Variants in TRMT1L observed in about 807,000 individuals in gnomAD.
TRMT1L encodes tRNA (guanine(27)-N(2))-dimethyltransferase.
A neutral mutation model predicts 81.6 loss-of-function variants in TRMT1L; 28 were observed. The observed-to-expected ratio is 0.34, with a 90% confidence interval of 0.25 to 0.47. The LOEUF (loss-of-function observed/expected upper bound fraction) is 0.47, where lower values mean the gene tolerates loss of function less well. Ranked by LOEUF, TRMT1L falls within the 20% of genes least tolerant of loss-of-function variation. The probability of loss-of-function intolerance (pLI) is 1.00; values close to 1 mark genes in which losing one functional copy is unlikely to be tolerated. For synonymous variants in TRMT1L, 301 were observed against 303.2 expected (o/e 0.99, Z 0.07); for missense variants, 739 against 877.1 (o/e 0.84, Z 1.99).
In TRMT1L at chr1:185,150,390, A is replaced by T; in HGVS notation, c.449T>A (p.Val150Asp). The T allele has an allele frequency of 6.2e-7, 1 of 1,611,792 alleles. No individual in the cohort carries two copies. The highest frequency in any genetic ancestry group is 8.5e-7 in the Non-Finnish European group (1 of 1,178,596). Residue 150 changes from valine to aspartate, a missense_variant, in exon 3 of 15, where the codon GTT becomes GAT. Coordinates refer to ENST00000367506, the MANE Select transcript of TRMT1L (RefSeq NM_030934.5). Reference sequence around the variant, plus strand: ...ACAAAAATACTAACCTTCAAATTCAACTGAGACTTTCCAGTGTAAATTCTG... The same window carrying T: ...ACAAAAATACTAACCTTCAAATTCATCTGAGACTTTCCAGTGTAAATTCTG... ...HLQNLHWKVS[V>D]EFEGYRMCIC...
At chr1:185,145,636 T>C (rs1653168445) in intron 4 of TRMT1L, 68 bp from the exon 5 acceptor site, 1 of 1,479,814 alleles carries the variant, frequency 6.8e-7, no homozygotes, top group South Asian at 1.2e-5. Context: ...TGTTTGCAAA[T>C]TTAAGTACAT....
intron 7 of TRMT1L, among the ~76,000 whole-genome samples, chr1:185,141,514 G>C (rs1653044681): frequency 6.6e-6 from 1 of 152,142 alleles, no homozygotes; most frequent in Admixed American, 6.5e-5. Flanking sequence ...GACCAGCTTG[G>C]CCAACATGGC....
rs1177478552 is a variant in TRMT1L at position 185,118,728 on chromosome 1, T to C, written c.*1291A>G. Reference sequence around the variant, plus strand: ...AAACTCTCTTGGGAATACGCTGTACTAGCACGAAGAGATTTTCCTTCATTT... The same window carrying C: ...AAACTCTCTTGGGAATACGCTGTACCAGCACGAAGAGATTTTCCTTCATTT... On this transcript the variant is annotated 3_prime_UTR_variant, in exon 15 of 15. Coordinates refer to ENST00000367506, the MANE Select transcript of TRMT1L (RefSeq NM_030934.5). 1 of 152,154 alleles carries C rather than the reference T, an allele frequency of 6.6e-6. No individual in the cohort carries two copies. The highest frequency in any genetic ancestry group is 1.5e-5 in the Non-Finnish European group (1 of 68,000). The allele number at this position is 152,154 out of a possible 1,614,324, so 9.4% of individuals were successfully genotyped here.
chr1:185,143,211 C>T (rs541750100), intron 7 of TRMT1L, 146 bp downstream of exon 7: 86 of 586,758 alleles, frequency 1.5e-4, no homozygotes, highest in African/African-American at 1.4e-3. Flanking sequence ...CTCTAATATA[C>T]ATTTAAAATT....
intron 3 of TRMT1L, 77 bp downstream of exon 3, chr1:185,150,302 A>G: frequency 4.2e-6 from 4 of 961,330 alleles, no homozygotes; most frequent in South Asian, 1.5e-5. Context: ...GATTATACTC[A>G]TGATAAAAAT....
intron 10 of TRMT1L, 83 bp downstream of exon 10, chr1:185,137,510 TAAAATCAAAGGAC>T (rs779026966): frequency 4.7e-6 from 6 of 1,282,800 alleles, no homozygotes; most frequent in Non-Finnish European, 6.7e-6. Flanking sequence ...CTGTAATCTT[TAAAATCAAAGGAC>T]AACAATATGT....
chr1:185,143,520 G>T, intron 6 of TRMT1L, 84 bp from the exon 7 acceptor site: 1 of 1,234,720 alleles, frequency 8.1e-7, no homozygotes, highest in Non-Finnish European at 1.2e-6. Context: ...GTGAACTGAA[G>T]TTCCTAGTTA....
At chr1:185,143,846 G>C in intron 6 of TRMT1L, 60 bp downstream of exon 6, 3 of 1,433,584 alleles carry the variant, frequency 2.1e-6, no homozygotes, top group Non-Finnish European at 2.8e-6. Flanking sequence ...TAAAGGTTAA[G>C]AGAAGGTACA....
intron 14 of TRMT1L, 47 bp downstream of exon 14, chr1:185,120,336 A>T (rs1652468346): frequency 6.9e-7 from 1 of 1,455,118 alleles, no homozygotes; most frequent in East Asian, 2.6e-5. Flanking sequence ...TCACAATATT[A>T]TTAAAATATA....
rs1012592829 is a variant in TRMT1L at position 185,118,772 on chromosome 1, C to T, written c.*1247G>A. ...TTCATTTCTGCAAAATTAATATTCT[C>T]TATTCATCTAATGCCTATCCACTAG... On this transcript the variant is annotated 3_prime_UTR_variant, in exon 15 of 15. Coordinates refer to ENST00000367506, the MANE Select transcript of TRMT1L (RefSeq NM_030934.5). 5 of 149,624 alleles carry T rather than the reference C, an allele frequency of 3.3e-5. No individual in the cohort carries two copies. The highest frequency in any genetic ancestry group is 1.3e-4 in the African/African-American group (5 of 39,150). The allele number at this position is 149,624 out of a possible 1,614,324, so 9.3% of individuals were successfully genotyped here. A position where few individuals can be genotyped will look rare whatever the true frequency, so the allele number is the denominator to read the frequency against.
intron 10 of TRMT1L, among the ~76,000 whole-genome samples, chr1:185,129,417 A>G (rs1232200410): frequency 1.4e-5 from 2 of 147,162 alleles, no homozygotes; most frequent in Non-Finnish European, 2.9e-5. Context: ...GAGAGTCCTG[A>G]TATAATCACA....
At chr1:185,144,614 T>G (rs1481023389) in intron 5 of TRMT1L, among the ~76,000 whole-genome samples, 1 of 151,918 alleles carries the variant, frequency 6.6e-6, no homozygotes, top group Non-Finnish European at 1.5e-5. Flanking sequence ...GTTAGAATCA[T>G]TTAGCTATAA....
intron 1 of TRMT1L, among the ~76,000 whole-genome samples, chr1:185,153,933 C>T (rs1376807871): frequency 6.6e-6 from 1 of 152,172 alleles, no homozygotes; most frequent in Non-Finnish European, 1.5e-5. Context: ...AGTTCGTTTA[C>T]CCATTTGTAT....
In TRMT1L at chr1:185,119,002, A is replaced by AATCTT. The variant is rs1218722802; in HGVS notation, c.*1012_*1016dup. The stretch of plus-strand genomic sequence containing the variant: ...CTTTATACCAAATCCTTTCATCCAA[A>AATCTT]ATCTTATATTCAAATGAAGTGAGAA... On this transcript the variant is annotated 3_prime_UTR_variant, in exon 15 of 15. Transcript: ENST00000367506. 1 of 152,082 alleles carries AATCTT rather than the reference A, an allele frequency of 6.6e-6. No homozygotes were observed. The highest frequency in any genetic ancestry group is 2.4e-5 in the African/African-American group (1 of 41,408). 9.4% of individuals were successfully genotyped at this position (152,082 alleles called of 1,614,324 possible). A position where few individuals can be genotyped will look rare whatever the true frequency, so the allele number is the denominator to read the frequency against.
At chr1:185,144,137 C>T (rs1436789451) in intron 5 of TRMT1L, 108 bp from the exon 6 acceptor site, 2 of 1,131,528 alleles carry the variant, frequency 1.8e-6, no homozygotes, top group Non-Finnish European at 2.4e-6. Context: ...AATAAATATA[C>T]ATTTTGAAAA....
intron 11 of TRMT1L, among the ~76,000 whole-genome samples, chr1:185,127,523 C>T (rs998414138): frequency 2.6e-5 from 4 of 151,832 alleles, no homozygotes; most frequent in Non-Finnish European, 4.4e-5. Flanking sequence ...TTTGGGAGGC[C>T]GAGGCGGGTG....
chr1:185,150,620 G>T, intron 2 of TRMT1L, 128 bp from the exon 3 acceptor site: 1 of 684,010 alleles, frequency 1.5e-6, no homozygotes, highest in Non-Finnish European at 2.6e-6. Flanking sequence ...TTAGGGAGAA[G>T]TCATTATTCT....
chr1:185,141,482 T>C (rs573547378), intron 7 of TRMT1L, among the ~76,000 whole-genome samples: 9 of 152,254 alleles, frequency 5.9e-5, no homozygotes, highest in African/African-American at 2.2e-4. Context: ...GGCGGGTGGA[T>C]CACCTGAGGT....
intron 10 of TRMT1L, among the ~76,000 whole-genome samples, chr1:185,128,972 A>T (rs1652703899): frequency 6.6e-6 from 1 of 152,066 alleles, no homozygotes; most frequent in African/African-American, 2.4e-5. Context: ...ATATTTTTTT[A>T]ATTTAAGTCC....
Sources: gnomAD v4.1 joint callset for allele counts (sites outside exome capture counted in the v4.1 genomes callset) on GRCh38, gnomAD v4.1.1 for gene constraint, MANE v1.5 for transcripts, NCBI Gene and HGNC (gene_info 2026-07-23, HGNC 2026-07-21) for gene names.